DNAH5: variants seen among roughly 807,000 people sequenced by gnomAD.
The protein encoded by DNAH5 is dynein axonemal heavy chain 5.
In DNAH5, 372 loss-of-function variants were observed where a neutral mutation model predicts 518.2. That is an observed-to-expected ratio of 0.72 (90% CI 0.66 to 0.78). DNAH5 has a LOEUF of 0.78. Among genes scored for constraint, DNAH5 ranks in the 30% least tolerant of loss-of-function variants. The pLI is 0.00. For synonymous variants in DNAH5, 2,039 were observed against 2,025.9 expected, an observed-to-expected ratio of 1.01 and a Z score of -0.17; for missense variants, 5,523 against 5,687.0, an observed-to-expected ratio of 0.97 and a Z score of 0.93.
rs570324074 is a variant in DNAH5, at chr5:13,711,087, T to C, written c.13126-2752A>G. On this transcript the variant is annotated intron_variant, in intron 75 of 78. Coordinates refer to ENST00000265104, the MANE Select transcript of DNAH5 (RefSeq NM_001369.3). The stretch of plus-strand genomic sequence containing the variant: ...CAAAAATGAAAACTACAGACTGATA[T>C]CCTCGATGGACATAGATGCTAAAAT... Among the ~76,000 whole-genome samples the C allele has an allele frequency of 2.6e-5, 4 of 152,258 alleles. No homozygotes were observed. In the East Asian group the frequency reaches 5.8e-4, roughly 22 times the overall value.
chr5:13,717,395 G>T lies in DNAH5; in HGVS notation c.12625C>A (p.Pro4209Thr). The change falls in exon 73 of 79, where the codon CCC becomes ACC. Residue 4209 changes from proline (P) to threonine (T), a missense_variant. This residue lies in a region of DNAH5 where 5,121 missense variants were observed against 5,223.3 expected (regional missense o/e 0.98). Coordinates refer to ENST00000265104, the MANE Select transcript of DNAH5 (RefSeq NM_001369.3). The stretch of plus-strand genomic sequence containing the variant: ...AAGTCCGCTTGGTTAAATTCGTAGG[G>T]GATATTCCACCCCAGGGCACCGAAC... ...RKFGALGWNI[P>T]YEFNQADFNA... The T allele has an allele frequency of 6.2e-7, 1 of 1,614,028 alleles. No individual in the cohort carries two copies. Among genetic ancestry groups the T allele is most frequent in the Non-Finnish European group, 8.5e-7 (1 of 1,179,990 alleles).
intron 35 of DNAH5, among the ~76,000 whole-genome samples, chr5:13,836,118 C>T (rs1408621531): frequency 1.3e-5 from 2 of 152,092 alleles, no homozygotes; most frequent in African/African-American, 4.8e-5. Context: ...GGCCATTATA[C>T]TTACTATCAC....
At chr5:13,813,801 T>C (rs1011891212) in intron 43 of DNAH5, among the ~76,000 whole-genome samples, 3 of 152,212 alleles carry the variant, frequency 2.0e-5, no homozygotes, top group African/African-American at 7.2e-5. Flanking sequence ...GATATAACCA[T>C]ATAGAAATAA....
rs756865161 is a variant in DNAH5, at chr5:13,794,006, G to T, written c.7940C>A (p.Pro2647His). ...AAAAACAGTCATCTTCTTTCCCGCA[G>T]GAGGGCCATATGTTGTACCCATTCG... is the stretch of plus-strand genomic sequence containing the variant. ...DKRMGTTYGP[P>H]AGKKMTVFID... Residue 2647 changes from proline (P) to histidine (H), a missense_variant, in exon 48 of 79, where the codon CCT becomes CAT. Pro to His is a moderately conservative substitution (Grantham distance 77). Transcript: ENST00000265104. 1 of 1,614,048 alleles carries T rather than the reference G, an allele frequency of 6.2e-7. No homozygotes were observed. The highest frequency in any genetic ancestry group is 8.5e-7 in the Non-Finnish European group (1 of 1,180,008).
At chr5:13,784,872 T>C (rs958112542) in intron 52 of DNAH5, among the ~76,000 whole-genome samples, 4 of 152,134 alleles carry the variant, frequency 2.6e-5, no homozygotes, top group Non-Finnish European at 5.9e-5. Flanking sequence ...CTTCCAACCT[T>C]TGAGGATCAA....
chr5:13,709,869 C>T (rs1382625669), intron 75 of DNAH5, among the ~76,000 whole-genome samples: 3 of 152,166 alleles, frequency 2.0e-5, no homozygotes, highest in African/African-American at 4.8e-5. Flanking sequence ...GGTGGTCCTT[C>T]CCTACCCACC....
intron 78 of DNAH5, among the ~76,000 whole-genome samples, chr5:13,695,395 G>A (rs1213297466): frequency 1.3e-5 from 2 of 152,138 alleles, no homozygotes; most frequent in Non-Finnish European, 2.9e-5. Flanking sequence ...ACCTTAGCAG[G>A]TACCTGAGAA....
chr5:13,701,173 C>G, intron 77 of DNAH5, 111 bp downstream of exon 77: 1 of 1,472,032 alleles, frequency 6.8e-7, no homozygotes, highest in Non-Finnish European at 9.5e-7. Context: ...CTGCTAGTAC[C>G]AAAAAGAGAC....
chr5:13,919,838 G>A (rs998611303), intron 6 of DNAH5, among the ~76,000 whole-genome samples: 2 of 152,134 alleles, frequency 1.3e-5, no homozygotes, highest in Admixed American at 6.5e-5. Flanking sequence ...TGAAAGTAAT[G>A]GCAAAAACCA....
At chr5:13,811,568 A>C in intron 44 of DNAH5, 79 bp downstream of exon 44, 1 of 1,385,548 alleles carries the variant, frequency 7.2e-7, no homozygotes, top group Non-Finnish European at 1.0e-6. Flanking sequence ...TACATTAATA[A>C]GAGAGAAAAT....
intron 1 of DNAH5, among the ~76,000 whole-genome samples, chr5:13,976,943 G>A (rs1331073816): frequency 6.6e-6 from 1 of 152,038 alleles, no homozygotes; most frequent in African/African-American, 2.4e-5. Flanking sequence ...AAACTTCCAG[G>A]TATTTTCTGG....
intron 4 of DNAH5, 100 bp downstream of exon 4, chr5:13,923,179 TA>T (rs1777490380): frequency 2.7e-6 from 4 of 1,457,224 alleles, no homozygotes; most frequent in East Asian, 4.5e-5. Context: ...TAGTTTTAGA[TA>T]CTGTAGTGAA....
chr5:13,768,412 C>T (rs1044208188), intron 58 of DNAH5, among the ~76,000 whole-genome samples: 3 of 152,196 alleles, frequency 2.0e-5, no homozygotes, highest in East Asian at 1.9e-4. Context: ...GTCAATTAAA[C>T]GTCTTTTGTT....
intron 12 of DNAH5, among the ~76,000 whole-genome samples, chr5:13,909,769 T>C (rs1350365118): frequency 6.6e-6 from 1 of 150,404 alleles, no homozygotes. Flanking sequence ...ATTTTCATCA[T>C]TTCACCATCT....
At chr5:13,732,348 G>T (rs1395009459) in intron 68 of DNAH5, among the ~76,000 whole-genome samples, 1 of 152,070 alleles carries the variant, frequency 6.6e-6, no homozygotes, top group East Asian at 1.9e-4. Flanking sequence ...CTCACATAGT[G>T]CAGGAGCTGG....
chr5:13,774,226 T>G (rs1040947332), intron 55 of DNAH5, among the ~76,000 whole-genome samples: 1 of 152,092 alleles, frequency 6.6e-6, no homozygotes, highest in Non-Finnish European at 1.5e-5. Context: ...TAGCTTGGCC[T>G]AGGATGTCAG....
intron 1 of DNAH5, among the ~76,000 whole-genome samples, chr5:13,991,476 G>A (rs973237615): frequency 2.8e-5 from 4 of 140,408 alleles, no homozygotes; most frequent in African/African-American, 1.0e-4. Context: ...AGAAAGGAAG[G>A]AAAAGTGGAA....
At chr5:13,778,600 G>GAAAGAAAGAC (rs1272994718) in intron 53 of DNAH5, among the ~76,000 whole-genome samples, 1 of 72,858 alleles carries the variant, frequency 1.4e-5, no homozygotes, top group Non-Finnish European at 3.2e-5. Context: ...GAAAGAAAGA[G>GAAAGAAAGAC]AGAGAGAAAG....
At chr5:13,913,619 T>G (rs1580862385) in intron 11 of DNAH5, 124 bp downstream of exon 11, 4,030 of 1,071,706 alleles carry the variant, frequency 3.8e-3, no homozygotes, top group Non-Finnish European at 4.9e-3. Context: ...TAAAAGGCCA[T>G]GAGATTATTT....
Sources: gnomAD v4.1 joint callset for allele counts (sites outside exome capture counted in the v4.1 genomes callset) on GRCh38, gnomAD v4.1.1 for gene constraint, gnomAD v4.1.1 regional missense constraint, MANE v1.5 for transcripts, NCBI Gene and HGNC (gene_info 2026-07-23, HGNC 2026-07-21) for gene names.